CAMK1D: variants seen among roughly 807,000 people sequenced by gnomAD.
The protein encoded by CAMK1D is calcium/calmodulin-dependent protein kinase type 1D.
Under a neutral mutation model 47.7 loss-of-function variants are expected in CAMK1D, and 9 were observed. The ratio of observed to expected loss-of-function variants is 0.19; its 90% CI spans 0.11 to 0.33. The LOEUF (loss-of-function observed/expected upper bound fraction) is 0.33. Ranked by LOEUF, CAMK1D falls within the 10% of genes least tolerant of loss-of-function variation. The pLI is 1.00. For synonymous variants in CAMK1D, 184 were observed against 184.9 expected, an observed-to-expected ratio of 0.99 and a Z score of 0.04; for missense variants, 291 against 488.7, an observed-to-expected ratio of 0.60 and a Z score of 3.81.
chr10:12,488,337 T>C (rs1834277290), intron 1 of CAMK1D, among the ~76,000 whole-genome samples: 1 of 152,124 alleles, frequency 6.6e-6, no homozygotes, highest in Non-Finnish European at 1.5e-5. Context: ...CTTTAGAGTG[T>C]CTTCTGCAGG....
intron 1 of CAMK1D, among the ~76,000 whole-genome samples, chr10:12,363,320 T>A (rs1837735674): frequency 6.6e-6 from 1 of 151,986 alleles, no homozygotes; most frequent in Non-Finnish European, 1.5e-5. Context: ...AGTGGTACAG[T>A]CTCGGCCCAC....
chr10:12,491,234 G>A (rs921629261), intron 1 of CAMK1D, among the ~76,000 whole-genome samples: 2 of 152,026 alleles, frequency 1.3e-5, no homozygotes, highest in Non-Finnish European at 2.9e-5. Flanking sequence ...AAATCCCTGG[G>A]AACATTTGGC....
At chr10:12,399,001 T>G (rs1216995691) in intron 1 of CAMK1D, among the ~76,000 whole-genome samples, 1 of 152,172 alleles carries the variant, frequency 6.6e-6, no homozygotes, top group Non-Finnish European at 1.5e-5. Flanking sequence ...GTCACATTAT[T>G]TATTCTGCCT....
chr10:12,616,653 G>A (rs955441308), intron 2 of CAMK1D, among the ~76,000 whole-genome samples: 5 of 152,000 alleles, frequency 3.3e-5, no homozygotes, highest in African/African-American at 1.2e-4. Context: ...GAGTAGCTGG[G>A]ACTACAGGCG....
intron 2 of CAMK1D, among the ~76,000 whole-genome samples, chr10:12,567,524 A>G (rs1837162324): frequency 6.6e-6 from 1 of 152,192 alleles, no homozygotes; most frequent in African/African-American, 2.4e-5. Flanking sequence ...TCCGTGACTC[A>G]TTTCTCTACA....
At chr10:12,618,408 T>C (rs565822421) in intron 2 of CAMK1D, among the ~76,000 whole-genome samples, 7 of 152,360 alleles carry the variant, frequency 4.6e-5, no homozygotes, top group Middle Eastern at 3.4e-3. Flanking sequence ...CTCTAGTTCA[T>C]TGTTTATAGC....
chr10:12,413,173 A>G (rs900736251), intron 1 of CAMK1D, among the ~76,000 whole-genome samples: 2 of 152,218 alleles, frequency 1.3e-5, no homozygotes, highest in Non-Finnish European at 2.9e-5. Flanking sequence ...GAGAAACCTC[A>G]GAAGCCTCAG....
At chr10:12,407,159 G>T (rs998845857) in intron 1 of CAMK1D, among the ~76,000 whole-genome samples, 37 of 152,056 alleles carry the variant, frequency 2.4e-4, no homozygotes, top group African/African-American at 8.5e-4. Flanking sequence ...CCTCTCTCAT[G>T]CCCTGCGTTC....
intron 3 of CAMK1D, among the ~76,000 whole-genome samples, chr10:12,727,153 T>C (rs1834682241): frequency 6.6e-6 from 1 of 152,220 alleles, no homozygotes; most frequent in Non-Finnish European, 1.5e-5. Context: ...TTGTAAAAAC[T>C]CATCATCTGA....
At chr10:12,760,194 G>T (rs529736041) in intron 3 of CAMK1D, among the ~76,000 whole-genome samples, 2 of 152,118 alleles carry the variant, frequency 1.3e-5, no homozygotes, top group African/African-American at 2.4e-5. Flanking sequence ...GCCCCCACAG[G>T]GCTTCTTGAC....
intron 2 of CAMK1D, among the ~76,000 whole-genome samples, chr10:12,563,680 A>G (rs991773900): frequency 2.4e-5 from 3 of 123,420 alleles, no homozygotes; most frequent in South Asian, 2.5e-4. Flanking sequence ...AGAGAGAGAG[A>G]GAGAGAGAGA....
rs1450303540 is a variant in CAMK1D at position 12,515,415 on chromosome 10, T to TTC, written c.93-37809_93-37808insCT. ...AGTTTTCCTTTTCTTTTTTTTTTTT[T>TTC]TTCTTTTTTTTTTTCATTATACTTT... On this transcript the variant is annotated intron_variant, in intron 1 of 10. Coordinates refer to ENST00000619168, the MANE Select transcript of CAMK1D (RefSeq NM_153498.4). 5.9e-3 allele frequency among the ~76,000 whole-genome samples: 418 copies of TTC among 70,452 alleles called. 4 individuals carry two copies. Among genetic ancestry groups the TTC allele is most frequent in the African/African-American group, 0.02 (370 of 18,330 alleles). The allele number at this position is 70,452 out of a possible 152,430, so 46.2% of individuals were successfully genotyped here.
In CAMK1D at chr10:12,376,759, C is replaced by CTT. The variant is rs149986092; in HGVS notation, c.92+26860_92+26861dup. Among the ~76,000 whole-genome samples the CTT allele has an allele frequency of 3.0e-4, 43 of 143,962 alleles. No individual in the cohort carries two copies. The East Asian group carries it at 6.3e-3, about 21-fold the overall frequency. The allele number at this position is 143,962 out of a possible 152,430, so 94.4% of individuals were successfully genotyped here. On this transcript the variant is annotated intron_variant, in intron 1 of 10. Coordinates refer to ENST00000619168, the MANE Select transcript of CAMK1D (RefSeq NM_153498.4). ...GTAACCATTTTTTTTCTTTTCTTTT[C>CTT]TTTTTTTTTTTTGAGACAGAGTCTT...
In CAMK1D at chr10:12,611,885, G is replaced by A. The variant is rs182484432; in HGVS notation, c.225-54851G>A. Among the ~76,000 whole-genome samples, 311 of 152,200 alleles carry A rather than the reference G, an allele frequency of 2.0e-3. 1 individual carries two copies. The Middle Eastern group carries it at 0.034, about 17-fold the overall frequency. On this transcript the variant is annotated intron_variant, in intron 2 of 10. Coordinates refer to ENST00000619168, the MANE Select transcript of CAMK1D (RefSeq NM_153498.4). ...TGGGATTACAGGCGTGAGCCACCGC[G>A]CCCAGCCCAGAATGTCATTCGAGTT... is the stretch of plus-strand genomic sequence containing the variant.
At chr10:12,687,244 A>G (rs1047258515) in intron 3 of CAMK1D, among the ~76,000 whole-genome samples, 2 of 151,518 alleles carry the variant, frequency 1.3e-5, no homozygotes, top group Admixed American at 1.3e-4. Flanking sequence ...AGGACCAGCT[A>G]TTCTCTTTGA....
At chr10:12,683,642 T>C (rs1214144626) in intron 3 of CAMK1D, among the ~76,000 whole-genome samples, 2 of 152,046 alleles carry the variant, frequency 1.3e-5, no homozygotes, top group African/African-American at 4.8e-5. Context: ...AACAGGATCA[T>C]TGTTTTAGTA....
At position 12,601,967 on chromosome 10, in the gene CAMK1D, G is replaced by A. The variant is rs541114664; in HGVS notation, c.224+48611G>A. Among the ~76,000 whole-genome samples, 51 of 152,354 alleles carry A rather than the reference G, an allele frequency of 3.3e-4. 1 individual carries two copies. The South Asian group carries it at 9.9e-3, about 30-fold the overall frequency. On this transcript the variant is annotated intron_variant, in intron 2 of 10. Transcript: ENST00000619168. Reference sequence around the variant, plus strand: ...CCTGTGTGTCCTGCCCAGGGCAAGGGATCCTGTGGCAGGGGGCCCATTCTG... The same window carrying A: ...CCTGTGTGTCCTGCCCAGGGCAAGGAATCCTGTGGCAGGGGGCCCATTCTG...
intron 1 of CAMK1D, among the ~76,000 whole-genome samples, chr10:12,459,343 A>G (rs1013074391): frequency 2.6e-5 from 4 of 152,236 alleles, no homozygotes; most frequent in African/African-American, 9.6e-5. Context: ...GTTTGCTTTC[A>G]CAACAGTCAG....
chr10:12,471,166 T>A (rs1230875376), intron 1 of CAMK1D, among the ~76,000 whole-genome samples: 4 of 152,100 alleles, frequency 2.6e-5, no homozygotes, highest in Non-Finnish European at 5.9e-5. Context: ...GGTGACTGAT[T>A]CCCCCACCCC....
Sources: allele counts gnomAD v4.1 joint callset (sites outside exome capture counted in the v4.1 genomes callset), GRCh38; gene constraint gnomAD v4.1.1; transcripts MANE v1.5; gene names NCBI Gene and HGNC (gene_info 2026-07-23, HGNC 2026-07-21).